Variants in TAFA5 observed in about 807,000 individuals in gnomAD.
TAFA5 encodes TAFA chemokine like family member 5.
TAFA5 carries 6 observed loss-of-function variants against 15.3 expected under a neutral mutation model. The observed-to-expected ratio is 0.39, with a 90% CI of 0.21 to 0.77. The LOEUF is 0.77. Ranked by LOEUF, TAFA5 falls within the 30% of genes least tolerant of loss-of-function variation. The pLI, the probability that TAFA5 is intolerant of heterozygous loss-of-function variation, is 0.41. For synonymous variants in TAFA5, 103 were observed against 80.7 expected, an observed-to-expected ratio of 1.28 and a Z score of -1.48; for missense variants, 161 against 193.1, an observed-to-expected ratio of 0.83 and a Z score of 0.98.
At chr22:48,633,539 C>CCT (rs1447574341) in intron 1 of TAFA5, among the ~76,000 whole-genome samples, 15 of 128,716 alleles carry the variant, frequency 1.2e-4, no homozygotes, top group Non-Finnish European at 2.2e-4. Context: ...TCTGTCTCTC[C>CCT]CTCTCTCTCT....
chr22:48,705,337 C>T lies in TAFA5; in HGVS notation c.263-2380C>T, dbSNP rs1601686427. ...GGCATGACCAGCCCATCTCAGACTC[C>T]TCTCCACTGCAGTCATGCAGGCTTC... On this transcript the variant is annotated intron_variant, in intron 2 of 3. Transcript: ENST00000402357. Among the ~76,000 whole-genome samples the T allele has an allele frequency of 4.6e-5, 7 of 152,198 alleles. No individual in the cohort carries two copies. In the South Asian group the frequency reaches 1.4e-3, roughly 31 times the overall value.
intron 1 of TAFA5, among the ~76,000 whole-genome samples, chr22:48,491,008 C>T (rs1477554222): frequency 6.6e-6 from 1 of 152,190 alleles, no homozygotes; most frequent in African/African-American, 2.4e-5. Context: ...AGGAATTTTC[C>T]TACTTGCTTC....
intron 3 of TAFA5, among the ~76,000 whole-genome samples, chr22:48,718,223 C>T (rs912016726): frequency 1.3e-5 from 2 of 152,182 alleles, no homozygotes; most frequent in Non-Finnish European, 2.9e-5. Flanking sequence ...CTGGGATGCC[C>T]ATGGCCACTT....
chr22:48,507,905 A>T (rs1601839579), intron 1 of TAFA5, among the ~76,000 whole-genome samples: 1 of 152,136 alleles, frequency 6.6e-6, no homozygotes, highest in Admixed American at 6.5e-5. Flanking sequence ...CACGAGGCCC[A>T]TCTGCAGCCC....
intron 2 of TAFA5, among the ~76,000 whole-genome samples, chr22:48,691,537 G>A (rs551147437): frequency 3.9e-5 from 6 of 152,310 alleles, no homozygotes; most frequent in South Asian, 2.1e-4. Context: ...ATGCAGCCTC[G>A]CGAGGAACGC....
chr22:48,670,161 GGGCT>G (rs1407076680), intron 2 of TAFA5, among the ~76,000 whole-genome samples: 1 of 152,198 alleles, frequency 6.6e-6, no homozygotes, highest in Non-Finnish European at 1.5e-5. Context: ...GTGTGCTTAG[GGGCT>G]GGCCCACACT....
At chr22:48,522,241 C>T (rs74664231) in intron 1 of TAFA5, among the ~76,000 whole-genome samples, 4 of 151,964 alleles carry the variant, frequency 2.6e-5, no homozygotes, top group Non-Finnish European at 4.4e-5. Context: ...CCTGTGGTCT[C>T]GGTGGCAGAG....
At chr22:48,583,349 A>G (rs960391827) in intron 1 of TAFA5, among the ~76,000 whole-genome samples, 2 of 143,266 alleles carry the variant, frequency 1.4e-5, no homozygotes, top group Non-Finnish European at 3.0e-5. Flanking sequence ...AGTGCACACC[A>G]AACACAAAAT....
intron 1 of TAFA5, among the ~76,000 whole-genome samples, chr22:48,609,311 T>C (rs28779173): frequency 0.14 from 21,071 of 152,034 alleles, 1,640 homozygotes; most frequent in African/African-American, 0.21. Context: ...GCCAAGTTTC[T>C]GAGTTAAGAG....
intron 1 of TAFA5, among the ~76,000 whole-genome samples, chr22:48,577,422 G>T (rs1457138144): frequency 6.6e-6 from 1 of 152,150 alleles, no homozygotes; most frequent in East Asian, 1.9e-4. Context: ...TCAGACTGGG[G>T]GCAACTGAGG....
intron 1 of TAFA5, among the ~76,000 whole-genome samples, chr22:48,505,924 G>A (rs1244892218): frequency 2.0e-5 from 3 of 152,330 alleles, no homozygotes; most frequent in East Asian, 1.9e-4. Context: ...CTGGCACGGC[G>A]TGGTCCAAGG....
intron 1 of TAFA5, among the ~76,000 whole-genome samples, chr22:48,516,012 C>T (rs1048370953): frequency 2.6e-5 from 4 of 152,172 alleles, no homozygotes; most frequent in African/African-American, 4.8e-5. Flanking sequence ...ACTCCCTGTG[C>T]GCCGCCTTCA....
intron 1 of TAFA5, among the ~76,000 whole-genome samples, chr22:48,494,819 A>G (rs1928271018): frequency 6.6e-6 from 1 of 152,240 alleles, no homozygotes; most frequent in African/African-American, 2.4e-5. Context: ...GGCAGCTGGC[A>G]GCAGATCTGG....
intron 1 of TAFA5, among the ~76,000 whole-genome samples, chr22:48,637,193 C>T (rs1211685245): frequency 1.3e-5 from 2 of 152,284 alleles, no homozygotes; most frequent in African/African-American, 4.8e-5. Context: ...GCCTCTTGAA[C>T]AGGGCCGTGG....
chr22:48,507,155 G>C (rs1469717499), intron 1 of TAFA5, among the ~76,000 whole-genome samples: 1 of 106,476 alleles, frequency 9.4e-6, no homozygotes, highest in African/African-American at 5.0e-5. Context: ...AGAAGGAGGT[G>C]GCCGCAAAGG....
chr22:48,548,457 G>T (rs1601571633), intron 1 of TAFA5, among the ~76,000 whole-genome samples: 1 of 152,144 alleles, frequency 6.6e-6, no homozygotes, highest in Non-Finnish European at 1.5e-5. Flanking sequence ...CCAGAAACTC[G>T]GGCCTCACAG....
In TAFA5 at chr22:48,592,227, A is replaced by G. The variant is rs73425963; in HGVS notation, c.113-54370A>G. The stretch of plus-strand genomic sequence containing the variant: ...CACTGTGCCAGCCTCCTTTCTTTCT[A>G]TGGGCTGCTGGTCTGTCCCCAACAC... On this transcript the variant is annotated intron_variant, in intron 1 of 3. Coordinates refer to ENST00000402357, the MANE Select transcript of TAFA5 (RefSeq NM_001082967.3). Among the ~76,000 whole-genome samples the G allele has an allele frequency of 8.0e-3, 1,221 of 152,062 alleles. 14 individuals are homozygous for G. The highest frequency in any genetic ancestry group is 0.028 in the African/African-American group (1,163 of 41,486).
At chr22:48,605,453 A>C (rs958216961) in intron 1 of TAFA5, among the ~76,000 whole-genome samples, 1 of 133,882 alleles carries the variant, frequency 7.5e-6, no homozygotes, top group Admixed American at 7.1e-5. Context: ...GGTGATGGCA[A>C]TGGTGATGGT....
At chr22:48,564,359 G>A (rs1271068798) in intron 1 of TAFA5, among the ~76,000 whole-genome samples, 1 of 152,254 alleles carries the variant, frequency 6.6e-6, no homozygotes, top group Non-Finnish European at 1.5e-5. Flanking sequence ...TTGGTCCTGA[G>A]TTGGGACGAA....
Sources: allele counts gnomAD v4.1 joint callset (sites outside exome capture counted in the v4.1 genomes callset), GRCh38; gene constraint gnomAD v4.1.1; transcripts MANE v1.5; gene names NCBI Gene and HGNC (gene_info 2026-07-23, HGNC 2026-07-21).